GEMIN7: variants seen among roughly 807,000 people sequenced by gnomAD.
The protein encoded by GEMIN7 is gem nuclear organelle associated protein 7, also known as gem-associated protein 7.
GEMIN7 carries 7 observed loss-of-function variants against 7.8 expected under a neutral mutation model. The observed-to-expected ratio is 0.90, with a 90% CI of 0.51 to 1.69. GEMIN7 has a LOEUF of 1.69. Ranked by LOEUF, GEMIN7 falls within the 40% of genes most tolerant of loss-of-function variation. The pLI is 0.00. For synonymous variants in GEMIN7, 68 were observed against 72.4 expected (o/e 0.94, Z 0.31); for missense variants, 159 against 176.2 (o/e 0.90, Z 0.55).
upstream of GEMIN7, chr19:45,076,153 G>A (rs749901000): frequency 3.2e-6 from 5 of 1,546,812 alleles, no homozygotes; most frequent in African/African-American, 2.8e-5. The surrounding 1 kb of genome is among the most constrained non-coding windows in gnomAD (Gnocchi z 4.9). Flanking sequence ...GGCCCCGGCG[G>A]GCATGGGGCC....
chr19:45,081,890 T>C (rs759575178), intron 2 of GEMIN7, among the ~76,000 whole-genome samples: 1 of 152,260 alleles, frequency 6.6e-6, no homozygotes, highest in East Asian at 1.9e-4. Flanking sequence ...TCAAAAGTGC[T>C]GGGATTACAG....
At chr19:45,086,253 ACT>A (rs1035845982) in intron 2 of GEMIN7, among the ~76,000 whole-genome samples, 1 of 151,158 alleles carries the variant, frequency 6.6e-6, no homozygotes, top group Admixed American at 6.6e-5. Context: ...ACAGAGTGAG[ACT>A]CTGTCTCCAA....
intron 2 of GEMIN7, among the ~76,000 whole-genome samples, chr19:45,087,081 G>T (rs1350366031): frequency 6.6e-6 from 1 of 151,890 alleles, no homozygotes; most frequent in Admixed American, 6.6e-5. Context: ...TCTTGATCTC[G>T]TGATCCACCT....
chr19:45,087,295 C>T (rs1282110819), intron 2 of GEMIN7, among the ~76,000 whole-genome samples: 1 of 152,242 alleles, frequency 6.6e-6, no homozygotes, highest in Non-Finnish European at 1.5e-5. Flanking sequence ...CAGGCACGCA[C>T]CACCACGTCC....
chr19:45,087,301 C>T (rs1340807805), intron 2 of GEMIN7, among the ~76,000 whole-genome samples: 2 of 152,204 alleles, frequency 1.3e-5, no homozygotes, highest in East Asian at 3.8e-4. Context: ...CGCACCACCA[C>T]GTCCGGCTGA....
At position 45,091,323 on chromosome 19, in the gene GEMIN7, T is replaced by TCA. The variant is rs766514785; in HGVS notation, c.*815_*816dup. ...GAGGATTCGCGATCAGGGTGCAACT[T>TCA]CACTCCCTCCTCTTTTCTCTCCAGC... On this transcript the variant is annotated 3_prime_UTR_variant, in exon 3 of 3. Transcript: ENST00000270257. The TCA allele has an allele frequency of 6.8e-4, 113 of 167,162 alleles. No individual in the cohort carries two copies. Among genetic ancestry groups the TCA allele is most frequent in the Non-Finnish European group, 1.3e-3 (89 of 68,136 alleles). The allele number at this position is 167,162 out of a possible 1,614,324, so 10.4% of individuals were successfully genotyped here. A position where few individuals can be genotyped will look rare whatever the true frequency, so the allele number is the denominator to read the frequency against.
intron 2 of GEMIN7, among the ~76,000 whole-genome samples, chr19:45,083,629 G>T (rs1479361057): frequency 1.5e-5 from 2 of 131,954 alleles, no homozygotes; most frequent in Non-Finnish European, 3.1e-5. Context: ...TTGAGACAGG[G>T]TCTCACTCTT....
intron 2 of GEMIN7, among the ~76,000 whole-genome samples, chr19:45,084,406 T>G (rs1252297332): frequency 6.6e-6 from 1 of 151,822 alleles, no homozygotes; most frequent in East Asian, 1.9e-4. Flanking sequence ...TTTTATTTAT[T>G]TATTTATTTA....
chr19:45,076,455 C>T, upstream of GEMIN7: 1 of 1,065,960 alleles, frequency 9.4e-7, no homozygotes, highest in Non-Finnish European at 1.2e-6. This position sits in a 1 kb window ranked among gnomAD's most constrained non-coding sequence, Gnocchi z 4.9. Context: ...GACGCGCGGA[C>T]CGTGCGCGCT....
chr19:45,090,101 C>G lies in GEMIN7; in HGVS notation c.-8-6C>G. 1 of 1,594,486 alleles carries G rather than the reference C, an allele frequency of 6.3e-7. No homozygotes were observed. The highest frequency in any genetic ancestry group is 1.7e-4 in the Middle Eastern group (1 of 5,962). On this transcript the variant is annotated splice_region_variant and splice_polypyrimidine_tract_variant and intron_variant, in intron 2 of 2. Transcript: ENST00000270257. ...TGACTTCCTGCTCTTTTTCTTCACT[C>G]AACAGCCAAGACAATGCAAACTCCA...
chr19:45,090,711 T>C lies in GEMIN7; in HGVS notation c.*201T>C. On this transcript the variant is annotated 3_prime_UTR_variant, in exon 3 of 3. Transcript: ENST00000270257. Reference sequence around the variant, plus strand: ...CAACTCTAGGAATTCTAAGATCCCATTGGAAGGAATGCTCTACCTCACAGA... The same window carrying C: ...CAACTCTAGGAATTCTAAGATCCCACTGGAAGGAATGCTCTACCTCACAGA... 1.7e-6 allele frequency: 1 copy of C among 588,252 alleles called. No individual in the cohort carries two copies. The highest frequency in any genetic ancestry group is 3.1e-6 in the Non-Finnish European group (1 of 321,974). 36.4% of individuals were successfully genotyped at this position (588,252 alleles called of 1,614,324 possible). A position where few individuals can be genotyped will look rare whatever the true frequency, so the allele number is the denominator to read the frequency against.
intron 2 of GEMIN7, among the ~76,000 whole-genome samples, chr19:45,080,354 C>CA (rs1967456746): frequency 6.6e-6 from 1 of 151,670 alleles, no homozygotes; most frequent in Admixed American, 6.6e-5. Flanking sequence ...CTCCACCCTC[C>CA]AGCTTGCACC....
chr19:45,082,611 G>A (rs1016327062), intron 2 of GEMIN7, among the ~76,000 whole-genome samples: 2 of 152,002 alleles, frequency 1.3e-5, no homozygotes, highest in Non-Finnish European at 2.9e-5. Context: ...TAGATAATGT[G>A]GATGAGTGAA....
chr19:45,076,316 T>C, upstream of GEMIN7: 3 of 1,419,524 alleles, frequency 2.1e-6, no homozygotes, highest in Non-Finnish European at 2.8e-6. This position sits in a 1 kb window ranked among gnomAD's most constrained non-coding sequence, Gnocchi z 4.9. Context: ...TCGTCTGGGT[T>C]GGCGGCGGGC....
rs869044428 is a variant in GEMIN7, at chr19:45,085,863, CT to C, written c.-8-4222del. The stretch of plus-strand genomic sequence containing the variant: ...TCGGGAGACTGAGGCACAAGAATCT[CT>C]TTTTTTTTTTTTTTTTTTTTTGAGA... On this transcript the variant is annotated intron_variant, in intron 2 of 2. Transcript: ENST00000270257. 6.9e-3 allele frequency among the ~76,000 whole-genome samples: 611 copies of C among 88,320 alleles called. 3 individuals carry two copies. Among genetic ancestry groups the C allele is most frequent in the African/African-American group, 0.026 (535 of 20,234 alleles). 57.9% of individuals were successfully genotyped at this position (88,320 alleles called of 152,430 possible).
intron 2 of GEMIN7, among the ~76,000 whole-genome samples, chr19:45,082,396 C>T (rs1967532000): frequency 6.6e-6 from 1 of 152,192 alleles, no homozygotes; most frequent in Non-Finnish European, 1.5e-5. Context: ...CTCTATCCCC[C>T]AGGCTGGGTC....
chr19:45,090,342 T>A lies in GEMIN7; in HGVS notation c.228T>A (p.His76Gln). 2 of 1,614,192 alleles carry A rather than the reference T, an allele frequency of 1.2e-6. No individual in the cohort carries two copies. The highest frequency in any genetic ancestry group is 2.2e-5 in the South Asian group (2 of 91,092). The change falls in exon 3 of 3, where the codon CAT becomes CAA. Residue 76 changes from histidine to glutamine, a missense_variant. Coordinates refer to ENST00000270257, the MANE Select transcript of GEMIN7 (RefSeq NM_024707.3). ...YLRSLLAMVGHQVSFTLHEGV... is the reference protein window; with the variant it reads ...YLRSLLAMVGQQVSFTLHEGV... The stretch of plus-strand genomic sequence containing the variant: ...GCAGCCTGCTGGCCATGGTGGGTCA[T>A]CAGGTGAGCTTCACGTTGCACGAGG...
At chr19:45,088,905 T>C (rs1208740084) in intron 2 of GEMIN7, among the ~76,000 whole-genome samples, 1 of 151,366 alleles carries the variant, frequency 6.6e-6, no homozygotes, top group Non-Finnish European at 1.5e-5. Flanking sequence ...ACTATGTAGA[T>C]ACCTTATACT....
rs1004627508 is a variant in GEMIN7, at chr19:45,084,257, C to T, written c.-9+4228C>T. Among the ~76,000 whole-genome samples, 8 of 146,572 alleles carry T rather than the reference C, an allele frequency of 5.5e-5. No individual in the cohort carries two copies. In the South Asian group the frequency reaches 1.3e-3, roughly 24 times the overall value. On this transcript the variant is annotated intron_variant, in intron 2 of 2. Coordinates refer to ENST00000270257, the MANE Select transcript of GEMIN7 (RefSeq NM_024707.3). ...AAGAAATTAAAATTTAGTGGCTGGG[C>T]ATGGTGGCTTAGACCTGTAATCCCA...
Sources: allele counts gnomAD v4.1 joint callset (sites outside exome capture counted in the v4.1 genomes callset), GRCh38; gene constraint gnomAD v4.1.1; non-coding constraint Gnocchi (gnomAD v3.1); transcripts MANE v1.5; gene names NCBI Gene and HGNC (gene_info 2026-07-23, HGNC 2026-07-21).